The following VCAM1 variants were observed in gnomAD, a reference collection of about 807,000 sequenced individuals.
VCAM1 encodes vascular cell adhesion molecule 1.
VCAM1 carries 41 observed loss-of-function variants against 63.8 expected under a neutral mutation model. That is an observed-to-expected ratio of 0.64 (90% CI 0.50 to 0.83). The LOEUF (loss-of-function observed/expected upper bound fraction) is 0.83. Ranked by LOEUF, VCAM1 falls within the 40% of genes least tolerant of loss-of-function variation. The pLI, the probability that VCAM1 is intolerant of heterozygous loss-of-function variation, is 0.00. For synonymous variants in VCAM1, 338 were observed against 320.7 expected (o/e 1.05, Z -0.58); for missense variants, 798 against 875.5 (o/e 0.91, Z 1.12).
chr1:100,732,590 A>G lies in VCAM1; in HGVS notation c.1698A>G (p.Leu566=). ...QPLSENATLT[L]ISTKMEDSGV... ...TTTCTGAGAATGCAACTCTCACCTTAATTTCTACAAAAATGGAAGATTCTG... is the reference window on the plus strand; with the variant it reads ...TTTCTGAGAATGCAACTCTCACCTTGATTTCTACAAAAATGGAAGATTCTG... The change falls in exon 7 of 9, where the codon TTA becomes TTG. Residue 566 remains leucine, a synonymous_variant. Transcript: ENST00000294728. The G allele has an allele frequency of 6.2e-7, 1 of 1,613,236 alleles. No homozygotes were observed. The highest frequency in any genetic ancestry group is 8.5e-7 in the Non-Finnish European group (1 of 1,179,690).
intron 4 of VCAM1, 42 bp from the exon 5 acceptor site, chr1:100,729,065 A>G (rs1475562140): frequency 3.4e-6 from 5 of 1,473,574 alleles, no homozygotes; most frequent in Admixed American, 4.8e-5. Flanking sequence ...AAAAGAAAAG[A>G]ATCTTATGTT....
At chr1:100,724,208 T>A (rs1242382636) in intron 3 of VCAM1, among the ~76,000 whole-genome samples, 2 of 152,136 alleles carry the variant, frequency 1.3e-5, no homozygotes, top group South Asian at 4.2e-4. Flanking sequence ...AGAGAGAAGA[T>A]TTCAGCTCAA....
chr1:100,724,268 C>G (rs958548974), intron 3 of VCAM1, among the ~76,000 whole-genome samples: 24 of 151,984 alleles, frequency 1.6e-4, no homozygotes, highest in African/African-American at 5.8e-4. Flanking sequence ...CAAATTGACT[C>G]TTTTGGAAAG....
At position 100,723,136 on chromosome 1, in the gene VCAM1, C is replaced by T; in HGVS notation, c.457C>T (p.Leu153=). 1 of 1,613,048 alleles carries T rather than the reference C, an allele frequency of 6.2e-7. No individual in the cohort carries two copies. The highest frequency in any genetic ancestry group is 1.1e-5 in the South Asian group (1 of 91,066). ...YPFDRLEIDL[L]KGDHLMKSQE... ...ATTTGACAGGCTGGAGATAGACTTA[C>T]TGAAAGGAGATCATCTCATGAAGAG... The change falls in exon 3 of 9, where the codon CTG becomes TTG. Residue 153 remains leucine (L), a synonymous_variant. Coordinates refer to ENST00000294728, the MANE Select transcript of VCAM1 (RefSeq NM_001078.4).
rs1359840634 is a variant in VCAM1 at position 100,738,538 on chromosome 1, T to C, written c.*255T>C. 1 of 248,972 alleles carries C rather than the reference T, an allele frequency of 4.0e-6. No homozygotes were observed. 15.4% of individuals were successfully genotyped at this position (248,972 alleles called of 1,614,324 possible). Reference sequence around the variant, plus strand: ...TGATCTGTATATACAATAACATAATTTGTACATATGTAAAATAAAATTATG... The same window carrying C: ...TGATCTGTATATACAATAACATAATCTGTACATATGTAAAATAAAATTATG... On this transcript the variant is annotated 3_prime_UTR_variant, in exon 9 of 9. Coordinates refer to ENST00000294728, the MANE Select transcript of VCAM1 (RefSeq NM_001078.4).
rs771421436 is a variant in VCAM1 at position 100,723,221 on chromosome 1, C to G, written c.542C>G (p.Thr181Ser). 1 of 1,613,056 alleles carries G rather than the reference C, an allele frequency of 6.2e-7. No individual in the cohort carries two copies. Among genetic ancestry groups the G allele is most frequent in the Admixed American group, 1.7e-5 (1 of 59,858 alleles). ...KSLETKSLEV[T>S]FTPVIEDIGK... ...CTGGAAACCAAGAGTTTGGAAGTAA[C>G]CTTTACTCCTGTCATTGAGGATATT... Residue 181 changes from threonine to serine, a missense_variant, in exon 3 of 9, where the codon ACC (threonine) becomes AGC (serine). Coordinates refer to ENST00000294728, the MANE Select transcript of VCAM1 (RefSeq NM_001078.4).
At chr1:100,724,025 C>T (rs1360484706) in intron 3 of VCAM1, among the ~76,000 whole-genome samples, 4 of 151,866 alleles carry the variant, frequency 2.6e-5, no homozygotes, top group African/African-American at 9.7e-5. Context: ...AGGCTTTTAA[C>T]AATATTTTGA....
chr1:100,726,522 C>T (rs971273955), intron 4 of VCAM1, among the ~76,000 whole-genome samples: 3 of 152,068 alleles, frequency 2.0e-5, no homozygotes, highest in Non-Finnish European at 4.4e-5. Flanking sequence ...CTTTCTCCTT[C>T]CTTCATCTGG....
chr1:100,727,885 C>T (rs775830862), intron 4 of VCAM1, among the ~76,000 whole-genome samples: 2 of 151,930 alleles, frequency 1.3e-5, no homozygotes, highest in Non-Finnish European at 2.9e-5. Flanking sequence ...TTAGACAAAC[C>T]TATTGAGAAA....
At chr1:100,737,632 T>C (rs1315398106) in intron 8 of VCAM1, 1 of 152,210 alleles carries the variant, frequency 6.6e-6, no homozygotes, top group Non-Finnish European at 1.5e-5. Context: ...ATTTTTTTTT[T>C]CTCTTACGAT....
chr1:100,735,022 G>A (rs1203023971), intron 8 of VCAM1, among the ~76,000 whole-genome samples: 1 of 152,110 alleles, frequency 6.6e-6, no homozygotes, highest in African/African-American at 2.4e-5. Context: ...CTGAGGTCTT[G>A]CAGTTGCTAA....
In VCAM1 at chr1:100,738,393, G is replaced by C. The variant is rs41287272; in HGVS notation, c.*110G>C. The C allele has an allele frequency of 1.6e-3, 2,015 of 1,270,482 alleles. 3 individuals are homozygous for C. Among genetic ancestry groups the C allele is most frequent in the Non-Finnish European group, 2.0e-3 (1,871 of 927,218 alleles). The allele number at this position is 1,270,482 out of a possible 1,614,324, so 78.7% of individuals were successfully genotyped here. On this transcript the variant is annotated 3_prime_UTR_variant, in exon 9 of 9. Transcript: ENST00000294728. Reference sequence around the variant, plus strand: ...AGCTGAGAGGCAGACTTCCCTGAATGTATTGAACTTGGAAAGAAATGCCCA... The same window carrying C: ...AGCTGAGAGGCAGACTTCCCTGAATCTATTGAACTTGGAAAGAAATGCCCA...
chr1:100,738,212 AT>A lies in VCAM1; in HGVS notation c.2152del (p.Tyr718ThrfsTer8). The A allele has an allele frequency of 6.2e-7, 1 of 1,613,860 alleles. No individual in the cohort carries two copies. Among genetic ancestry groups the A allele is most frequent in the Non-Finnish European group, 8.5e-7 (1 of 1,179,820 alleles). On this transcript the variant is annotated frameshift_variant, in exon 9 of 9. Transcript: ENST00000294728. LOFTEE classifies it high-confidence loss of function. ...AATAATACCTGCCATTGGAATGATA[AT>A]TTACTTTGCAAGAAAAGCCAACATG... is the stretch of plus-strand genomic sequence containing the variant. ...SLIIPAIGMIIYFARKANMKG... is the reference protein window; with the variant it reads ...SLIIPAIGMIXYFARKANMKG...
Position 100,738,135 on chromosome 1 carries a change from A to G in VCAM1, c.2072A>G (p.Asn691Ser), listed in dbSNP as rs138060304. 282 of 1,612,978 alleles carry G rather than the reference A, an allele frequency of 1.7e-4. 1 individual carries two copies. Among genetic ancestry groups the G allele is most frequent in the Non-Finnish European group, 2.3e-4 (270 of 1,179,580 alleles). ...LTLDVQGRENNKDYFSPELLV... is the reference protein window; with the variant it reads ...LTLDVQGRENSKDYFSPELLV... Reference sequence around the variant, plus strand: ...TGTTATTTTCCAGGAAGAGAAAACAACAAAGACTATTTTTCTCCTGAGCTT... The same window carrying G: ...TGTTATTTTCCAGGAAGAGAAAACAGCAAAGACTATTTTTCTCCTGAGCTT... The change falls in exon 9 of 9, where the codon AAC becomes AGC. Residue 691 changes from asparagine (N) to serine (S), a missense_variant. By Grantham distance (46) the Asn-to-Ser change is conservative (BLOSUM62 1). Coordinates refer to ENST00000294728, the MANE Select transcript of VCAM1 (RefSeq NM_001078.4).
chr1:100,725,538 A>G (rs1286704601), intron 4 of VCAM1, among the ~76,000 whole-genome samples: 3 of 151,986 alleles, frequency 2.0e-5, no homozygotes, highest in Non-Finnish European at 4.4e-5. Flanking sequence ...TAATGACACC[A>G]CCTATTGATT....
chr1:100,723,227 C>T lies in VCAM1; in HGVS notation c.548C>T (p.Thr183Ile), dbSNP rs1389436211. The T allele has an allele frequency of 6.2e-7, 1 of 1,613,120 alleles. No individual in the cohort carries two copies. Among genetic ancestry groups the T allele is most frequent in the Non-Finnish European group, 8.5e-7 (1 of 1,179,400 alleles). Residue 183 changes from threonine (T) to isoleucine (I), a missense_variant, in exon 3 of 9, where the codon ACT becomes ATT. Thr to Ile is a moderately conservative substitution (Grantham distance 89). Transcript: ENST00000294728. ...ACCAAGAGTTTGGAAGTAACCTTTA[C>T]TCCTGTCATTGAGGATATTGGAAAA... is the stretch of plus-strand genomic sequence containing the variant. ...LETKSLEVTF[T>I]PVIEDIGKVL...
chr1:100,722,035 C>G (rs921153897), intron 2 of VCAM1, among the ~76,000 whole-genome samples: 7 of 152,128 alleles, frequency 4.6e-5, no homozygotes, highest in Middle Eastern at 3.4e-3. Context: ...GGTTTTTCTC[C>G]AAGAGTGTCT....
intron 3 of VCAM1, 107 bp from the exon 4 acceptor site, chr1:100,724,517 A>C: frequency 7.6e-7 from 1 of 1,314,438 alleles, no homozygotes; most frequent in Non-Finnish European, 1.0e-6. Context: ...TTGGCAGAGT[A>C]ATTTCATCAA....
At chr1:100,737,872 CT>C (rs1275400192) in intron 8 of VCAM1, 1 of 286,416 alleles carries the variant, frequency 3.5e-6, no homozygotes, top group Non-Finnish European at 6.5e-6. Context: ...GAACCTGAAT[CT>C]ATTTGAATCC....
Sources: gnomAD v4.1 joint callset for allele counts (sites outside exome capture counted in the v4.1 genomes callset) on GRCh38, gnomAD v4.1.1 for gene constraint, MANE v1.5 for transcripts, NCBI Gene and HGNC (gene_info 2026-07-23, HGNC 2026-07-21) for gene names.